Variants in PARD3B observed in about 807,000 individuals in gnomAD.
PARD3B encodes the protein par-3 family cell polarity regulator beta.
A neutral mutation model predicts 130.2 loss-of-function variants in PARD3B; 103 were observed. The observed-to-expected ratio is 0.79, with a 90% CI of 0.67 to 0.93. The LOEUF is 0.93. Among genes scored for constraint, PARD3B ranks in the 40% least tolerant of loss-of-function variants. The pLI is 0.00. For missense variants in PARD3B, 1,609 were observed against 1,499.2 expected (o/e 1.07, Z -1.21); for synonymous variants, 583 against 553.2 (o/e 1.05, Z -0.76).
intron 4 of PARD3B, among the ~76,000 whole-genome samples, chr2:205,059,897 C>G (rs201523666): frequency 5.3e-5 from 8 of 152,054 alleles, no homozygotes; most frequent in African/African-American, 1.9e-4. Flanking sequence ...TCATGTCAGT[C>G]GTGGACACTT....
At chr2:205,577,809 A>C (rs575456033) in intron 22 of PARD3B, among the ~76,000 whole-genome samples, 15 of 152,302 alleles carry the variant, frequency 9.8e-5, no homozygotes, top group African/African-American at 2.6e-4. Context: ...TTGGTTTTTA[A>C]AGCTACCAAA....
intron 1 of PARD3B, among the ~76,000 whole-genome samples, chr2:204,562,253 C>T (rs35498287): frequency 6.6e-6 from 1 of 152,122 alleles, no homozygotes; most frequent in Non-Finnish European, 1.5e-5. Context: ...CTGGAGCTTC[C>T]TGATGTTTAT....
At chr2:205,003,883 T>C (rs1695047026) in intron 3 of PARD3B, among the ~76,000 whole-genome samples, 1 of 152,178 alleles carries the variant, frequency 6.6e-6, no homozygotes, top group Non-Finnish European at 1.5e-5. Context: ...AAGAGGGGCA[T>C]GATATGGTTT....
intron 18 of PARD3B, among the ~76,000 whole-genome samples, chr2:205,348,632 G>A (rs2043881890): frequency 6.6e-6 from 1 of 152,194 alleles, no homozygotes; most frequent in African/African-American, 2.4e-5. Context: ...TGCACAAAAT[G>A]ATGGCATTTG....
chr2:204,657,040 G>T (rs1003594382), intron 1 of PARD3B, among the ~76,000 whole-genome samples: 2 of 152,164 alleles, frequency 1.3e-5, no homozygotes, highest in African/African-American at 2.4e-5. Flanking sequence ...GCTTCTTGGG[G>T]ACCTGGGTCA....
At chr2:205,541,821 A>G (rs1383137041) in intron 21 of PARD3B, among the ~76,000 whole-genome samples, 1 of 152,132 alleles carries the variant, frequency 6.6e-6, no homozygotes, top group Non-Finnish European at 1.5e-5. Context: ...AAACTGAAGA[A>G]ACAGATATCC....
rs945437022 is a variant in PARD3B at position 204,971,986 on chromosome 2, C to T, written c.394+6663C>T. Among the ~76,000 whole-genome samples the T allele has an allele frequency of 1.5e-4, 23 of 151,920 alleles. 1 individual carries two copies. Among genetic ancestry groups the T allele is most frequent in the African/African-American group, 5.6e-4 (23 of 41,440 alleles). On this transcript the variant is annotated intron_variant, in intron 3 of 22. Coordinates refer to ENST00000406610, the MANE Select transcript of PARD3B (RefSeq NM_001302769.2). ...TGATTTTTATTTTAGATTTTGTTTT[C>T]AGAGTAGTGAAAAAGTAGCTCTGTG...
At position 205,503,893 on chromosome 2, in the gene PARD3B, T is replaced by C. The variant is rs1364110853; in HGVS notation, c.3180+3862T>C. Among the ~76,000 whole-genome samples, 5 of 151,660 alleles carry C rather than the reference T, an allele frequency of 3.3e-5. No individual in the cohort carries two copies. The East Asian group carries it at 5.8e-4, about 18-fold the overall frequency. ...TCTCCTTGAAGAGGTCCTTCACATC[T>C]CTTGTAAGTTGGATTCCTAGGTATT... On this transcript the variant is annotated intron_variant, in intron 21 of 22. Transcript: ENST00000406610.
At chr2:204,612,287 T>C (rs979141774) in intron 1 of PARD3B, among the ~76,000 whole-genome samples, 2 of 152,228 alleles carry the variant, frequency 1.3e-5, no homozygotes, top group African/African-American at 4.8e-5. Context: ...CCTGGTTCTT[T>C]TGCAGTTTGG....
In PARD3B at chr2:205,295,935, A is replaced by G. The variant is rs2041773918; in HGVS notation, c.2186-4595A>G. Among the ~76,000 whole-genome samples the G allele has an allele frequency of 2.6e-5, 4 of 152,328 alleles. No homozygotes were observed. In the South Asian group the frequency reaches 8.3e-4, roughly 32 times the overall value. ...ACAATTTCAGGAGTTTAATTGTTTT[A>G]AAAAAATTTAAGGAGTTGTTTCCCT... is the stretch of plus-strand genomic sequence containing the variant. On this transcript the variant is annotated intron_variant, in intron 16 of 22. Transcript: ENST00000406610.
At chr2:205,566,613 G>A (rs753890991) in intron 22 of PARD3B, among the ~76,000 whole-genome samples, 5 of 152,204 alleles carry the variant, frequency 3.3e-5, no homozygotes, top group Admixed American at 6.5e-5. Context: ...GTACCTTTCA[G>A]ACTTCCAAAA....
chr2:205,123,326 A>G (rs2030982260), intron 8 of PARD3B, among the ~76,000 whole-genome samples: 1 of 152,204 alleles, frequency 6.6e-6, no homozygotes, highest in Admixed American at 6.5e-5. Context: ...GTAGATGAGG[A>G]TATTTGAAAA....
At chr2:204,861,787 G>A (rs1226222844) in intron 2 of PARD3B, among the ~76,000 whole-genome samples, 1 of 151,780 alleles carries the variant, frequency 6.6e-6, no homozygotes, top group Non-Finnish European at 1.5e-5. Flanking sequence ...AGATAAAACG[G>A]CACAGAGACA....
At chr2:205,596,896 G>C in intron 22 of PARD3B, among the ~76,000 whole-genome samples, 1 of 152,120 alleles carries the variant, frequency 6.6e-6, no homozygotes, top group African/African-American at 2.4e-5. Flanking sequence ...ACATGGAGAT[G>C]AGATAGTCAG....
intron 18 of PARD3B, among the ~76,000 whole-genome samples, chr2:205,357,471 A>G (rs861066): frequency 0.18 from 26,733 of 152,176 alleles, 2,805 homozygotes; most frequent in African/African-American, 0.3. Context: ...TGGGTGCAGA[A>G]GTGTTTGTAA....
chr2:205,375,573 C>G (rs1208436205), intron 18 of PARD3B, among the ~76,000 whole-genome samples: 1 of 152,040 alleles, frequency 6.6e-6, no homozygotes, highest in Non-Finnish European at 1.5e-5. Context: ...AGATTTGTGG[C>G]AAGACATTGA....
intron 2 of PARD3B, among the ~76,000 whole-genome samples, chr2:204,757,978 A>G (rs556008417): frequency 1.3e-5 from 2 of 152,302 alleles, no homozygotes; most frequent in South Asian, 4.1e-4. Flanking sequence ...CTGTGAGGTA[A>G]CAAACCACTT....
In PARD3B at chr2:205,021,630, T is replaced by TTC. The variant is rs751947350; in HGVS notation, c.395-25931_395-25930dup. ...TCTCTCTCTCTCTCTCCCTCTCTCT[T>TTC]TCTCTCTCTCTCTCTCTCTCTATAT... On this transcript the variant is annotated intron_variant, in intron 3 of 22. Coordinates refer to ENST00000406610, the MANE Select transcript of PARD3B (RefSeq NM_001302769.2). The surrounding 1 kb of genome is among the most constrained non-coding windows in gnomAD (Gnocchi z 4.5). Among the ~76,000 whole-genome samples, 1,344 of 142,462 alleles carry TTC rather than the reference T, an allele frequency of 9.4e-3. 11 individuals are homozygous for TTC. The highest frequency in any genetic ancestry group is 0.018 in the African/African-American group (683 of 38,042). 93.5% of individuals were successfully genotyped at this position (142,462 alleles called of 152,430 possible). A position where few individuals can be genotyped will look rare whatever the true frequency, so the allele number is the denominator to read the frequency against.
chr2:205,449,424 T>A (rs1241374360), intron 20 of PARD3B, among the ~76,000 whole-genome samples: 1 of 151,708 alleles, frequency 6.6e-6, no homozygotes, highest in Non-Finnish European at 1.5e-5. Context: ...AGAGGCAGGG[T>A]TTCATCGTGT....
Sources: gnomAD v4.1 joint callset for allele counts (sites outside exome capture counted in the v4.1 genomes callset) on GRCh38, gnomAD v4.1.1 for gene constraint, Gnocchi (gnomAD v3.1) non-coding constraint, MANE v1.5 for transcripts, NCBI Gene and HGNC (gene_info 2026-07-23, HGNC 2026-07-21) for gene names.